Variants in SNX18 observed in about 807,000 individuals in gnomAD.
The protein encoded by SNX18 is sorting nexin 18, also known as sorting nexin-18.
Under a neutral mutation model 48.7 loss-of-function variants are expected in SNX18, and 35 were observed. That is an observed-to-expected ratio of 0.72 (90% CI 0.55 to 0.95). The LOEUF is 0.95. SNX18 is among the 40% of genes least tolerant of loss of function. The pLI is 0.00. For synonymous variants in SNX18, 492 were observed against 384.7 expected (o/e 1.28, Z -3.26); for missense variants, 824 against 871.0 (o/e 0.95, Z 0.68).
At chr5:54,551,025 T>C (rs185291511), downstream of SNX18, among the ~76,000 whole-genome samples, 19 of 152,090 alleles carry the variant, frequency 1.2e-4, 1 homozygote, top group Admixed American at 3.9e-4. Flanking sequence ...CGATTGAATG[T>C]ATTTCCTATT....
the SNX18 span, among the ~76,000 whole-genome samples, chr5:54,603,450 G>A: frequency 6.6e-6 from 1 of 151,992 alleles, no homozygotes; most frequent in African/African-American, 2.4e-5. Context: ...TTTTAAGAAG[G>A]CTTGAGAGAT....
the SNX18 span, among the ~76,000 whole-genome samples, chr5:54,552,398 C>T: frequency 6.6e-6 from 1 of 152,306 alleles, no homozygotes; most frequent in South Asian, 2.1e-4. Context: ...GATTCTGAAG[C>T]CCTTAATAAG....
the SNX18 span, among the ~76,000 whole-genome samples, chr5:54,563,718 T>C: frequency 1.3e-5 from 2 of 152,296 alleles, no homozygotes; most frequent in East Asian, 1.9e-4. Flanking sequence ...TGATCTGACC[T>C]CTAAAGAGGC....
At chr5:54,609,438 G>A in the SNX18 span, among the ~76,000 whole-genome samples, 2 of 151,866 alleles carry the variant, frequency 1.3e-5, no homozygotes, top group African/African-American at 2.4e-5. Context: ...GACGTCATCC[G>A]CAATCTCTAT....
chr5:54,528,284 G>T (rs1203460323), intron 1 of SNX18, among the ~76,000 whole-genome samples: 2 of 152,184 alleles, frequency 1.3e-5, no homozygotes, highest in Non-Finnish European at 2.9e-5. Flanking sequence ...TACACACGGA[G>T]CACTGAGCTC....
the SNX18 span, among the ~76,000 whole-genome samples, chr5:54,615,159 A>C: frequency 6.6e-6 from 1 of 152,208 alleles, no homozygotes; most frequent in South Asian, 2.1e-4. Context: ...TTGGTCTAAC[A>C]ATACGATCAT....
chr5:54,614,486 G>A, the SNX18 span, among the ~76,000 whole-genome samples: 1 of 152,178 alleles, frequency 6.6e-6, no homozygotes, highest in Non-Finnish European at 1.5e-5. Flanking sequence ...TTCTTTCTAA[G>A]AATTCATAAG....
the SNX18 span, among the ~76,000 whole-genome samples, chr5:54,579,162 G>A: frequency 2.6e-5 from 4 of 151,864 alleles, no homozygotes; most frequent in East Asian, 3.9e-4. Context: ...GCAACATGGC[G>A]AAACCCAGTC....
intron 1 of SNX18, among the ~76,000 whole-genome samples, chr5:54,537,278 C>T (rs11740677): frequency 0.19 from 28,604 of 152,164 alleles, 3,397 homozygotes; most frequent in Middle Eastern, 0.35. Context: ...GAATTGGAAA[C>T]GGTACTACTT....
rs1762574717 is a variant in SNX18 at position 54,546,165 on chromosome 5, T to TA, written c.*2734dup. On this transcript the variant is annotated 3_prime_UTR_variant, in exon 2 of 2. Transcript: ENST00000381410. ...TTGAGATTTTCCCAGGCTTCACTGATACAGTTGTTTTGCATTTATTCACAA... is the reference window on the plus strand; with the variant it reads ...TTGAGATTTTCCCAGGCTTCACTGATAACAGTTGTTTTGCATTTATTCACAA... The TA allele has an allele frequency of 6.6e-6, 1 of 152,356 alleles. No individual in the cohort carries two copies. Among genetic ancestry groups the TA allele is most frequent in the South Asian group, 2.1e-4 (1 of 4,830 alleles). 9.4% of individuals were successfully genotyped at this position (152,356 alleles called of 1,614,324 possible).
chr5:54,555,450 T>C, the SNX18 span, among the ~76,000 whole-genome samples: 1 of 151,830 alleles, frequency 6.6e-6, no homozygotes, highest in Non-Finnish European at 1.5e-5. Flanking sequence ...CCTCAGGTGA[T>C]CCTCAACCCT....
the SNX18 span, among the ~76,000 whole-genome samples, chr5:54,618,170 C>T: frequency 2.6e-5 from 4 of 152,150 alleles, no homozygotes; most frequent in African/African-American, 9.7e-5. Context: ...CAAGGCTTTT[C>T]CCCCTTTGCT....
At chr5:54,561,749 C>CTAACAGTGATGTTTGTTA in the SNX18 span, among the ~76,000 whole-genome samples, 1 of 152,174 alleles carries the variant, frequency 6.6e-6, no homozygotes. Flanking sequence ...GTACAACAGA[C>CTAACAGTGATGTTTGTTA]TAACAGTGAT....
chr5:54,547,700 T>C (rs996515022), downstream of SNX18, among the ~76,000 whole-genome samples: 5 of 152,220 alleles, frequency 3.3e-5, no homozygotes, highest in South Asian at 2.1e-4. Context: ...AGTATTGTTA[T>C]GAAGAGTGAG....
chr5:54,533,083 AT>A lies in SNX18; in HGVS notation c.1622-10088del, dbSNP rs148507796. On this transcript the variant is annotated intron_variant, in intron 1 of 1. Transcript: ENST00000381410. ...CTTAGAGGCCTGAATTCTTTAAGTG[AT>A]TTTTTTTCCATCAAGTGACCAGGTT... Among the ~76,000 whole-genome samples, 9 of 152,032 alleles carry A rather than the reference AT, an allele frequency of 5.9e-5. No individual in the cohort carries two copies. The South Asian group carries it at 1.9e-3, about 32-fold the overall frequency.
At chr5:54,524,465 A>G (rs185014698) in intron 1 of SNX18, among the ~76,000 whole-genome samples, 11 of 152,284 alleles carry the variant, frequency 7.2e-5, no homozygotes, top group Admixed American at 7.2e-4. Context: ...CCATCTTAGG[A>G]CTTCTAAGCA....
At chr5:54,637,866 CAGAGT>C in the SNX18 span, among the ~76,000 whole-genome samples, 1 of 152,144 alleles carries the variant, frequency 6.6e-6, no homozygotes, top group Non-Finnish European at 1.5e-5. Flanking sequence ...AAACCTAAGT[CAGAGT>C]AGAGAGGCTT....
chr5:54,565,209 G>A, the SNX18 span, among the ~76,000 whole-genome samples: 2 of 152,206 alleles, frequency 1.3e-5, no homozygotes, highest in Non-Finnish European at 2.9e-5. Context: ...AATGTTCACA[G>A]GTTCCTGGAA....
At chr5:54,536,880 C>T (rs1363195927) in intron 1 of SNX18, among the ~76,000 whole-genome samples, 2 of 152,214 alleles carry the variant, frequency 1.3e-5, no homozygotes, top group Non-Finnish European at 2.9e-5. Flanking sequence ...TCCACATCCT[C>T]TCCAGCACCT....
Sources: gnomAD v4.1 joint callset for allele counts (sites outside exome capture counted in the v4.1 genomes callset) on GRCh38, gnomAD v4.1.1 for gene constraint, MANE v1.5 for transcripts, NCBI Gene and HGNC (gene_info 2026-07-23, HGNC 2026-07-21) for gene names.